Variants in IKZF1 observed in about 807,000 individuals in gnomAD.
IKZF1 encodes DNA-binding protein Ikaros.
IKZF1 carries 10 observed loss-of-function variants against 51.7 expected under a neutral mutation model. The ratio of observed to expected loss-of-function variants is 0.19; its 90% CI spans 0.12 to 0.33. IKZF1 has a LOEUF of 0.33. IKZF1 is among the 10% of genes least tolerant of loss of function. The pLI, the probability that IKZF1 is intolerant of heterozygous loss-of-function variation, is 1.00. For missense variants in IKZF1, 484 were observed against 707.5 expected (o/e 0.68, Z 3.58); for synonymous variants, 280 against 282.3 (o/e 0.99, Z 0.08).
intron 4 of IKZF1, among the ~76,000 whole-genome samples, chr7:50,377,776 A>G (rs1008199330): frequency 6.6e-6 from 1 of 152,220 alleles, no homozygotes; most frequent in African/African-American, 2.4e-5. Context: ...GCTGTTCTAA[A>G]GTTGGGTAAA....
intron 2 of IKZF1, among the ~76,000 whole-genome samples, chr7:50,322,350 C>T (rs1359337036): frequency 6.6e-6 from 1 of 152,170 alleles, no homozygotes; most frequent in African/African-American, 2.4e-5. Flanking sequence ...TAGGATTCAA[C>T]CTAATGTATG....
At chr7:50,395,249 G>A (rs1011488290) in intron 7 of IKZF1, among the ~76,000 whole-genome samples, 10 of 152,152 alleles carry the variant, frequency 6.6e-5, no homozygotes, top group Admixed American at 1.3e-4. Flanking sequence ...TGGATTGATG[G>A]ATAGGTAAAT....
intron 4 of IKZF1, among the ~76,000 whole-genome samples, chr7:50,381,156 A>G (rs1407065993): frequency 1.3e-5 from 2 of 152,234 alleles, no homozygotes; most frequent in Non-Finnish European, 2.9e-5. Flanking sequence ...TCAAGTGTCA[A>G]TATAGACTTT....
At chr7:50,359,553 ACT>A (rs1027442009) in intron 3 of IKZF1, among the ~76,000 whole-genome samples, 2 of 151,920 alleles carry the variant, frequency 1.3e-5, no homozygotes, top group African/African-American at 4.8e-5. Flanking sequence ...TAAATAATGG[ACT>A]CTCTACCTGT....
At chr7:50,387,618 A>C in intron 6 of IKZF1, 148 bp downstream of exon 6, 1 of 1,272,182 alleles carries the variant, frequency 7.9e-7, no homozygotes, top group African/African-American at 1.5e-5. Context: ...GGCCAATAGC[A>C]TCAGTTTCAC....
At chr7:50,339,880 T>TA (rs1202341877) in intron 3 of IKZF1, among the ~76,000 whole-genome samples, 1 of 152,248 alleles carries the variant, frequency 6.6e-6, no homozygotes. Flanking sequence ...GCAAGATGTC[T>TA]AAATTACATT....
chr7:50,313,929 G>A (rs868394562), intron 1 of IKZF1, among the ~76,000 whole-genome samples: 7 of 152,320 alleles, frequency 4.6e-5, no homozygotes, highest in South Asian at 4.1e-4. Context: ...GATAAAGCCA[G>A]TGAGTACCAG....
At chr7:50,318,114 C>G (rs1792051091) in intron 1 of IKZF1, among the ~76,000 whole-genome samples, 1 of 151,302 alleles carries the variant, frequency 6.6e-6, no homozygotes, top group Non-Finnish European at 1.5e-5. Flanking sequence ...CTGTCATCCA[C>G]TTTGGGGCAC....
chr7:50,392,483 C>T (rs751152388), intron 7 of IKZF1, among the ~76,000 whole-genome samples: 7 of 152,254 alleles, frequency 4.6e-5, no homozygotes, highest in East Asian at 3.9e-4. Context: ...TCCAGCCAGA[C>T]GCTGCAGGGA....
In IKZF1 at chr7:50,376,993, C is replaced by T. The variant is rs1282152065; in HGVS notation, c.421+200C>T. On this transcript the variant is annotated intron_variant, in intron 4 of 7. Coordinates refer to ENST00000331340, the MANE Select transcript of IKZF1 (RefSeq NM_006060.6). This position sits in a 1 kb window ranked among gnomAD's most constrained non-coding sequence, Gnocchi z 4.5. Reference sequence around the variant, plus strand: ...CAGCCTTGTAAAGGACTTCTCAACACGTACCAATTCCACCCTATAAATAAA... The same window carrying T: ...CAGCCTTGTAAAGGACTTCTCAACATGTACCAATTCCACCCTATAAATAAA... The T allele has an allele frequency of 3.3e-5, 27 of 812,148 alleles. No homozygotes were observed. Among genetic ancestry groups the T allele is most frequent in the African/African-American group, 5.2e-5 (3 of 57,868 alleles). The allele number at this position is 812,148 out of a possible 1,614,324, so 50.3% of individuals were successfully genotyped here. A position where few individuals can be genotyped will look rare whatever the true frequency, so the allele number is the denominator to read the frequency against.
intron 3 of IKZF1, among the ~76,000 whole-genome samples, chr7:50,369,879 A>G (rs1490961280): frequency 1.3e-5 from 2 of 152,234 alleles, no homozygotes; most frequent in Non-Finnish European, 2.9e-5. Context: ...TTCTAATAAT[A>G]TACCCTAGTG....
At chr7:50,364,579 T>G (rs1806268474) in intron 3 of IKZF1, among the ~76,000 whole-genome samples, 1 of 152,248 alleles carries the variant, frequency 6.6e-6, no homozygotes, top group African/African-American at 2.4e-5. Context: ...CTGCTTCTTA[T>G]GACAAGCAAG....
chr7:50,353,244 G>T (rs2153433326), intron 3 of IKZF1, among the ~76,000 whole-genome samples: 1 of 152,338 alleles, frequency 6.6e-6, no homozygotes, highest in East Asian at 1.9e-4. Context: ...TGTTTCCAAA[G>T]CTTCCAGGGC....
chr7:50,339,668 C>T (rs1036363208), intron 3 of IKZF1, among the ~76,000 whole-genome samples: 5 of 151,352 alleles, frequency 3.3e-5, no homozygotes, highest in African/African-American at 1.2e-4. Flanking sequence ...GCAGAAGAAT[C>T]GCTTGAATTC....
chr7:50,351,682 C>A (rs1378764014), intron 3 of IKZF1, among the ~76,000 whole-genome samples: 1 of 152,192 alleles, frequency 6.6e-6, no homozygotes, highest in Non-Finnish European at 1.5e-5. Flanking sequence ...CTATGTCAGG[C>A]CTCACACTCC....
intron 3 of IKZF1, among the ~76,000 whole-genome samples, chr7:50,330,051 A>G (rs1319107018): frequency 2.6e-5 from 4 of 152,064 alleles, no homozygotes; most frequent in African/African-American, 9.7e-5. Flanking sequence ...TCTGGTTGGC[A>G]TTACTGATGG....
chr7:50,316,646 T>A (rs761361771), intron 1 of IKZF1, among the ~76,000 whole-genome samples: 1 of 152,244 alleles, frequency 6.6e-6, no homozygotes, highest in African/African-American at 2.4e-5. Flanking sequence ...AGAGCTTGAT[T>A]TGGGGACCAG....
At chr7:50,339,060 A>T (rs1398187528) in intron 3 of IKZF1, among the ~76,000 whole-genome samples, 1 of 152,186 alleles carries the variant, frequency 6.6e-6, no homozygotes, top group Non-Finnish European at 1.5e-5. Flanking sequence ...GGTTGGGAGT[A>T]TTTACACCAC....
At position 50,377,569 on chromosome 7, in the gene IKZF1, G is replaced by A. The variant is rs144104185; in HGVS notation, c.421+776G>A. On this transcript the variant is annotated intron_variant, in intron 4 of 7. Transcript: ENST00000331340. ...GGAACACGGCGAGCCCCAGCTGGCC[G>A]CGCTCTGCCACTGTTTCTAATAGCC... Among the ~76,000 whole-genome samples the A allele has an allele frequency of 2.1e-3, 325 of 152,352 alleles. 2 individuals carry two copies. Among genetic ancestry groups the A allele is most frequent in the African/African-American group, 7.5e-3 (311 of 41,582 alleles).
Sources: gnomAD v4.1 joint callset for allele counts (sites outside exome capture counted in the v4.1 genomes callset) on GRCh38, gnomAD v4.1.1 for gene constraint, Gnocchi (gnomAD v3.1) non-coding constraint, MANE v1.5 for transcripts, NCBI Gene and HGNC (gene_info 2026-07-23, HGNC 2026-07-21) for gene names.